The following ARHGAP35 variants were observed in gnomAD, a reference collection of about 807,000 sequenced individuals.
ARHGAP35 encodes rho GTPase-activating protein 35.
In ARHGAP35, 15 loss-of-function variants were observed where a neutral mutation model predicts 111.1. The ratio of observed to expected loss-of-function variants is 0.13; its 90% CI spans 0.09 to 0.21. The LOEUF is 0.21. Among genes scored for constraint, ARHGAP35 ranks in the 10% least tolerant of loss-of-function variants. The probability of loss-of-function intolerance (pLI) is 1.00; values close to 1 mark genes in which losing one functional copy is unlikely to be tolerated. For synonymous variants in ARHGAP35, 643 were observed against 710.3 expected (o/e 0.91, Z 1.51); for missense variants, 1,262 against 1,873.0 (o/e 0.67, Z 6.02).
intron 1 of ARHGAP35, among the ~76,000 whole-genome samples, chr19:46,900,855 A>C (rs151224041): frequency 2.5e-3 from 386 of 151,960 alleles, no homozygotes; most frequent in African/African-American, 9.0e-3. Flanking sequence ...CAGATTCTTA[A>C]CTCCCTTGCC....
intron 3 of ARHGAP35, among the ~76,000 whole-genome samples, chr19:46,966,252 A>G (rs1325254480): frequency 6.6e-6 from 1 of 152,202 alleles, no homozygotes; most frequent in African/African-American, 2.4e-5. Flanking sequence ...TTATTTATAT[A>G]CAAAATGCAA....
In ARHGAP35 at chr19:46,919,812, G is replaced by C. The variant is rs768736901; in HGVS notation, c.1137G>C (p.Trp379Cys). The change falls in exon 2 of 7, where the codon TGG becomes TGC. Residue 379 changes from tryptophan to cysteine, a missense_variant. Transcript: ENST00000672722. The surrounding 1 kb of genome is among the most constrained non-coding windows in gnomAD (Gnocchi z 6.2). ...AAACCAAGCCAGAATTCTTGAAGTG[G>C]TTTGTTGTGCTTGAAGAGACCCCAT... Reference protein sequence around the residue: ...LLETKPEFLKWFVVLEETPWD... With the variant: ...LLETKPEFLKCFVVLEETPWD... The C allele has an allele frequency of 3.7e-6, 6 of 1,614,036 alleles. No homozygotes were observed. The South Asian group carries it at 4.4e-5, about 12-fold the overall frequency.
At chr19:46,966,186 G>T (rs1049815432) in intron 3 of ARHGAP35, among the ~76,000 whole-genome samples, 1 of 152,012 alleles carries the variant, frequency 6.6e-6, no homozygotes, top group African/African-American at 2.4e-5. Flanking sequence ...ATATTTATAC[G>T]ATTTTTGGTA....
intron 3 of ARHGAP35, among the ~76,000 whole-genome samples, chr19:46,972,919 G>T (rs2056558745): frequency 6.6e-6 from 1 of 152,194 alleles, no homozygotes; most frequent in African/African-American, 2.4e-5. Context: ...AGATCAGGTG[G>T]AGTCCTGGCT....
At chr19:46,864,958 A>G (rs1025183696) in intron 1 of ARHGAP35, among the ~76,000 whole-genome samples, 1 of 152,266 alleles carries the variant, frequency 6.6e-6, no homozygotes, top group East Asian at 1.9e-4. Flanking sequence ...CATTGGCAGC[A>G]TGAAAAGTTC....
At position 46,989,439 on chromosome 19, in the gene ARHGAP35, C is replaced by G. The variant is rs1599868847; in HGVS notation, c.3905-105C>G. On this transcript the variant is annotated intron_variant, in intron 4 of 6. Transcript: ENST00000672722. The surrounding 1 kb of genome is among the most constrained non-coding windows in gnomAD (Gnocchi z 5.3). ...CAATCCTTGCCAGTCCTGAGGCCGT[C>G]TCTGGCTCCTTGAGGTTTCTCTAGC... is the stretch of plus-strand genomic sequence containing the variant. 4.1e-6 allele frequency: 6 copies of G among 1,464,472 alleles called. No homozygotes were observed. The highest frequency in any genetic ancestry group is 4.6e-6 in the Non-Finnish European group (5 of 1,077,554). The allele number at this position is 1,464,472 out of a possible 1,614,324, so 90.7% of individuals were successfully genotyped here. A position where few individuals can be genotyped will look rare whatever the true frequency, so the allele number is the denominator to read the frequency against.
At position 47,000,457 on chromosome 19, in the gene ARHGAP35, A is replaced by G. The variant is rs182167459; in HGVS notation, c.4269A>G (p.Thr1423=). Residue 1423 remains threonine (T), a synonymous_variant, in exon 7 of 7, where the codon ACA becomes ACG. Coordinates refer to ENST00000672722, the MANE Select transcript of ARHGAP35 (RefSeq NM_004491.5). This position sits in a 1 kb window ranked among gnomAD's most constrained non-coding sequence, Gnocchi z 6.9. ...DALTATRTYQ[T]IIELFIQQCP... ...TCACAGCCACGCGCACCTACCAGAC[A>G]ATCATTGAACTCTTTATCCAGCAGT... The G allele has an allele frequency of 3.4e-5, 55 of 1,613,618 alleles. No homozygotes were observed. In the East Asian group the frequency reaches 1.2e-3, roughly 35 times the overall value.
Position 47,000,973 on chromosome 19 carries a change from C to G in ARHGAP35, c.*285C>G. ...CCCTCTGTTCCCTGGACCACCACCC[C>G]ACGTAGCTGCTCACACCAGCCTCCG... On this transcript the variant is annotated 3_prime_UTR_variant, in exon 7 of 7. Coordinates refer to ENST00000672722, the MANE Select transcript of ARHGAP35 (RefSeq NM_004491.5). The surrounding 1 kb of genome is among the most constrained non-coding windows in gnomAD (Gnocchi z 6.9). The G allele has an allele frequency of 6.6e-7, 1 of 1,506,796 alleles. No homozygotes were observed. The highest frequency in any genetic ancestry group is 1.4e-5 in the African/African-American group (1 of 72,526). The allele number at this position is 1,506,796 out of a possible 1,614,324, so 93.3% of individuals were successfully genotyped here.
At chr19:46,896,749 A>G (rs1369529493) in intron 1 of ARHGAP35, among the ~76,000 whole-genome samples, 2 of 152,118 alleles carry the variant, frequency 1.3e-5, no homozygotes, top group Non-Finnish European at 2.9e-5. Flanking sequence ...TAAAATGGGG[A>G]TTATAATAGT....
In ARHGAP35 at chr19:46,931,716, A is replaced by G. The variant is rs575221228; in HGVS notation, c.3682-5548A>G. Among the ~76,000 whole-genome samples the G allele has an allele frequency of 3.3e-5, 5 of 152,322 alleles. No homozygotes were observed. In the South Asian group the frequency reaches 8.3e-4, roughly 25 times the overall value. ...AGGTGAAGGTGTTTCAGGCTGGCCCAGTCCTTTGTGTATGGCAGTGGCATT... is the reference window on the plus strand; with the variant it reads ...AGGTGAAGGTGTTTCAGGCTGGCCCGGTCCTTTGTGTATGGCAGTGGCATT... On this transcript the variant is annotated intron_variant, in intron 2 of 6. Coordinates refer to ENST00000672722, the MANE Select transcript of ARHGAP35 (RefSeq NM_004491.5).
Position 46,918,810 on chromosome 19 carries a change from G to T in ARHGAP35, c.135G>T (p.Pro45=). The part of the protein sequence containing the change: ...KSCLCNRFVR[P]SADEFHLDHT... ...GTTTGTGCAACCGCTTCGTGCGCCC[G>T]AGTGCTGACGAGTTTCACTTGGACC... Residue 45 remains proline (P), a synonymous_variant, in exon 2 of 7, where the codon CCG becomes CCT. Coordinates refer to ENST00000672722, the MANE Select transcript of ARHGAP35 (RefSeq NM_004491.5). The surrounding 1 kb of genome is among the most constrained non-coding windows in gnomAD (Gnocchi z 5.4). 12 of 1,613,946 alleles carry T rather than the reference G, an allele frequency of 7.4e-6. No homozygotes were observed. Among genetic ancestry groups the T allele is most frequent in the Non-Finnish European group, 8.5e-6 (10 of 1,179,878 alleles).
At chr19:46,893,804 T>C (rs903231060) in intron 1 of ARHGAP35, among the ~76,000 whole-genome samples, 1 of 151,926 alleles carries the variant, frequency 6.6e-6, no homozygotes, top group African/African-American at 2.4e-5. Flanking sequence ...GAAAAATGTA[T>C]TGGGGGGGAA....
At chr19:46,983,240 C>G (rs181410704) in intron 3 of ARHGAP35, among the ~76,000 whole-genome samples, 1 of 151,996 alleles carries the variant, frequency 6.6e-6, no homozygotes, top group Non-Finnish European at 1.5e-5. Context: ...AGGTAGGATT[C>G]AAATCCCATC....
intron 2 of ARHGAP35, among the ~76,000 whole-genome samples, 172 bp from the exon 3 acceptor site, chr19:46,937,092 G>A (rs1253764858): frequency 2.0e-5 from 3 of 151,990 alleles, no homozygotes; most frequent in African/African-American, 7.2e-5. Context: ...CACCCGCCTC[G>A]GCCTCCCAAA....
chr19:46,974,753 G>C (rs2056570402), intron 3 of ARHGAP35, among the ~76,000 whole-genome samples: 1 of 152,100 alleles, frequency 6.6e-6, no homozygotes, highest in South Asian at 2.1e-4. Context: ...CGTGGGTGGG[G>C]CTGACAGTTC....
chr19:46,990,468 C>T (rs2056674010), intron 5 of ARHGAP35, among the ~76,000 whole-genome samples: 1 of 152,222 alleles, frequency 6.6e-6, no homozygotes, highest in African/African-American at 2.4e-5. Context: ...AGCAGCCTTC[C>T]TGCTTTGTGC....
Position 46,992,023 on chromosome 19 carries a change from G to C in ARHGAP35, c.4036+2348G>C, listed in dbSNP as rs368072710. Reference sequence around the variant, plus strand: ...ATTGAACACTGCTGAAAATGTACTCGCAAAATAGAGACGTTTGTGATTATT... The same window carrying C: ...ATTGAACACTGCTGAAAATGTACTCCCAAAATAGAGACGTTTGTGATTATT... On this transcript the variant is annotated intron_variant, in intron 5 of 6. Coordinates refer to ENST00000672722, the MANE Select transcript of ARHGAP35 (RefSeq NM_004491.5). The surrounding 1 kb of genome is among the most constrained non-coding windows in gnomAD (Gnocchi z 4.4). 6.6e-6 allele frequency among the ~76,000 whole-genome samples: 1 copy of C among 152,126 alleles called. No individual in the cohort carries two copies. Among genetic ancestry groups the C allele is most frequent in the African/African-American group, 2.4e-5 (1 of 41,434 alleles).
chr19:46,949,249 CAA>C (rs959358485), intron 3 of ARHGAP35: 1 of 151,320 alleles, frequency 6.6e-6, no homozygotes, highest in African/African-American at 2.4e-5. Context: ...TTTTTAAAAA[CAA>C]AACAAAAAAG....
intron 3 of ARHGAP35, 126 bp downstream of exon 3, chr19:46,937,534 C>A: frequency 9.4e-7 from 1 of 1,063,500 alleles, no homozygotes; most frequent in Non-Finnish European, 1.4e-6. Flanking sequence ...GGAGAAGGAG[C>A]TGAGCAGTCC....
Sources: gnomAD v4.1 joint callset for allele counts (sites outside exome capture counted in the v4.1 genomes callset) on GRCh38, gnomAD v4.1.1 for gene constraint, Gnocchi (gnomAD v3.1) non-coding constraint, MANE v1.5 for transcripts, NCBI Gene and HGNC (gene_info 2026-07-23, HGNC 2026-07-21) for gene names.